SDHB: variants seen among roughly 807,000 people sequenced by gnomAD.
SDHB encodes the protein succinate dehydrogenase [ubiquinone] iron-sulfur subunit, mitochondrial.
In SDHB, 21 loss-of-function variants were observed where a neutral mutation model predicts 39.7. The observed-to-expected ratio is 0.53, with a 90% CI of 0.37 to 0.76. SDHB has a LOEUF of 0.76. SDHB is among the 30% of genes least tolerant of loss of function. SDHB has a pLI of 0.00. For synonymous variants in SDHB, 118 were observed against 117.0 expected (o/e 1.01, Z -0.06); for missense variants, 343 against 350.9 (o/e 0.98, Z 0.18).
At chr1:17,025,205 T>C (rs571444383) in intron 5 of SDHB, among the ~76,000 whole-genome samples, 1 of 152,290 alleles carries the variant, frequency 6.6e-6, no homozygotes, top group East Asian at 1.9e-4. Flanking sequence ...TCTGAAGCAG[T>C]AGAAAGCAAA....
intron 1 of SDHB, among the ~76,000 whole-genome samples, chr1:17,047,699 AG>A (rs2078120661): frequency 8.0e-6 from 1 of 125,256 alleles, no homozygotes; most frequent in Admixed American, 8.0e-5. Context: ...AAAAAAAAAG[AG>A]AGAGAGTTTT....
intron 6 of SDHB, chr1:17,023,056 T>C (rs2077971049): frequency 8.2e-6 from 3 of 367,786 alleles, no homozygotes; most frequent in South Asian, 6.4e-5. Context: ...AGGCAGGGAC[T>C]GTATCATATA....
At chr1:17,033,003 C>T in intron 3 of SDHB, 57 bp downstream of exon 3, 2 of 1,391,814 alleles carry the variant, frequency 1.4e-6, no homozygotes, top group South Asian at 2.3e-5. Context: ...TTTGGCCAGC[C>T]CAAGCCTCTT....
intron 1 of SDHB, among the ~76,000 whole-genome samples, chr1:17,050,424 G>A (rs1229274507): frequency 6.6e-6 from 1 of 151,964 alleles, no homozygotes; most frequent in Non-Finnish European, 1.5e-5. Flanking sequence ...CGAGGCAGGT[G>A]GATTACCTGA....
At position 17,029,091 on chromosome 1, in the gene SDHB, CTGTTTTTTTTTTTT is replaced by C. The variant is rs1474375785; in HGVS notation, c.287-369_287-356del. ...TCACGTGTTTTGAAGAAAAATCAGC[CTGTTTTTTTTTTTT>C]TTTTTTTTTTTTTTTTTAAAGAAAG... On this transcript the variant is annotated intron_variant, in intron 3 of 7. Coordinates refer to ENST00000375499, the MANE Select transcript of SDHB (RefSeq NM_003000.3). Among the ~76,000 whole-genome samples the C allele has an allele frequency of 4.0e-5, 3 of 74,804 alleles. No individual in the cohort carries two copies. The East Asian group carries it at 2.9e-3, about 72-fold the overall frequency. 49.1% of individuals were successfully genotyped at this position (74,804 alleles called of 152,430 possible).
intron 1 of SDHB, among the ~76,000 whole-genome samples, chr1:17,047,623 C>T (rs1404589156): frequency 1.3e-5 from 2 of 149,946 alleles, no homozygotes; most frequent in Non-Finnish European, 2.9e-5. Context: ...GTAAAGGTTG[C>T]AGTGAGCTAA....
At chr1:17,044,989 A>G in intron 1 of SDHB, 101 bp from the exon 2 acceptor site, 1 of 1,022,640 alleles carries the variant, frequency 9.8e-7, no homozygotes, top group Admixed American at 2.0e-5. Context: ...ATAAACTCAC[A>G]CATTACTGAC....
chr1:17,027,950 G>T, intron 4 of SDHB, 85 bp from the exon 5 acceptor site: 1 of 802,802 alleles, frequency 1.2e-6, no homozygotes. Flanking sequence ...CCCATTTCTT[G>T]GACACTGACT....
At chr1:17,028,938 A>G (rs548946733) in intron 3 of SDHB, among the ~76,000 whole-genome samples, 1 of 152,160 alleles carries the variant, frequency 6.6e-6, no homozygotes, top group Non-Finnish European at 1.5e-5. Flanking sequence ...TGAGTTCCAA[A>G]AACTACTCTA....
intron 6 of SDHB, among the ~76,000 whole-genome samples, chr1:17,023,573 G>A (rs1284583063): frequency 6.6e-6 from 1 of 152,158 alleles, no homozygotes. Flanking sequence ...CATTAGCTGG[G>A]AAACAGCTTC....
Position 17,027,720 on chromosome 1 carries a change from G to T in SDHB, c.540+29C>A, listed in dbSNP as rs201675759. 13 of 1,288,920 alleles carry T rather than the reference G, an allele frequency of 1.0e-5. No homozygotes were observed. The African/African-American group carries it at 1.2e-4, about 12-fold the overall frequency. The allele number at this position is 1,288,920 out of a possible 1,614,324, so 79.8% of individuals were successfully genotyped here. A position where few individuals can be genotyped will look rare whatever the true frequency, so the allele number is the denominator to read the frequency against. On this transcript the variant is annotated intron_variant, in intron 5 of 7. Coordinates refer to ENST00000375499, the MANE Select transcript of SDHB (RefSeq NM_003000.3). ...AATCATCTTTGCAATAAATTCTTCA[G>T]ATTGAAACAATAAATAGGGACTAAT...
chr1:17,052,055 C>A (rs1029411926), intron 1 of SDHB, among the ~76,000 whole-genome samples: 2 of 151,800 alleles, frequency 1.3e-5, no homozygotes, highest in African/African-American at 4.8e-5. Flanking sequence ...CCATGTTGGC[C>A]GGGCTGGTCT....
rs1557741464 is a variant in SDHB at position 17,028,655 on chromosome 1, T to G, written c.368A>C (p.Lys123Thr). The change falls in exon 4 of 8, where the codon AAG (lysine) becomes ACG (threonine). Residue 123 changes from lysine (K) to threonine (T), a missense_variant. Transcript: ENST00000375499. ...CTRRIDTNLN[K>T]VSKIYPLPHM... ...TGGAAGAGGGTAGATTTTTGAGACC[T>G]TATTGAGGTTGGTGTCAATCCTTCG... The G allele has an allele frequency of 6.2e-7, 1 of 1,614,130 alleles. No individual in the cohort carries two copies. Among genetic ancestry groups the G allele is most frequent in the Non-Finnish European group, 8.5e-7 (1 of 1,179,982 alleles).
At chr1:17,039,427 A>AT (rs1553178455) in intron 2 of SDHB, among the ~76,000 whole-genome samples, 34 of 150,784 alleles carry the variant, frequency 2.3e-4, no homozygotes, top group African/African-American at 7.3e-4. Context: ...AAAAAAAAAA[A>AT]AAAAAAAAAA....
intron 1 of SDHB, among the ~76,000 whole-genome samples, chr1:17,049,140 T>C (rs1008153717): frequency 3.3e-5 from 5 of 151,918 alleles, no homozygotes; most frequent in African/African-American, 9.7e-5. Context: ...GCTGGGACTA[T>C]AGGTGCACAC....
At position 17,022,665 on chromosome 1, in the gene SDHB, G is replaced by A. The variant is rs2101513801; in HGVS notation, c.708C>T (p.Asp236=). The A allele has an allele frequency of 6.2e-7, 1 of 1,614,044 alleles. No homozygotes were observed. Among genetic ancestry groups the A allele is most frequent in the Non-Finnish European group, 8.5e-7 (1 of 1,179,950 alleles). ...FTEERLAKLQ[D]PFSLYRCHTI... ...TGTGGCAGCGGTATAGAGAGAATGG[G>A]TCCTGCAGCTTGGCCAGGCGCTCCT... The change falls in exon 7 of 8, where the codon GAC becomes GAT. Residue 236 remains aspartate, a synonymous_variant. Transcript: ENST00000375499.
chr1:17,041,185 T>G (rs1005491458), intron 2 of SDHB, among the ~76,000 whole-genome samples: 1 of 152,168 alleles, frequency 6.6e-6, no homozygotes, highest in Non-Finnish European at 1.5e-5. Flanking sequence ...TTAATATTTT[T>G]AAGTTTGCTG....
chr1:17,032,456 G>A (rs1313908930), intron 3 of SDHB: 1 of 153,990 alleles, frequency 6.5e-6, no homozygotes, highest in Non-Finnish European at 1.4e-5. Context: ...CCAAAGTGCT[G>A]GGATTACAGG....
At chr1:17,025,137 G>T (rs2077984810) in intron 5 of SDHB, among the ~76,000 whole-genome samples, 1 of 152,172 alleles carries the variant, frequency 6.6e-6, no homozygotes, top group Non-Finnish European at 1.5e-5. Context: ...GTAAAAAATT[G>T]GAAACAATTT....
Sources: allele counts gnomAD v4.1 joint callset (sites outside exome capture counted in the v4.1 genomes callset), GRCh38; gene constraint gnomAD v4.1.1; transcripts MANE v1.5; gene names NCBI Gene and HGNC (gene_info 2026-07-23, HGNC 2026-07-21).